Variants in KCMF1 observed in about 807,000 individuals in gnomAD.
KCMF1 encodes E3 ubiquitin-protein ligase KCMF1.
Under a neutral mutation model 41.1 loss-of-function variants are expected in KCMF1, and 3 were observed. The observed-to-expected ratio is 0.07, with a 90% CI of 0.03 to 0.19. The LOEUF (loss-of-function observed/expected upper bound fraction) is 0.19. Ranked by LOEUF, KCMF1 falls within the 10% of genes least tolerant of loss-of-function variation. KCMF1 has a pLI of 1.00. For synonymous variants in KCMF1, 142 were observed against 164.5 expected (o/e 0.86, Z 1.04); for missense variants, 286 against 488.9 (o/e 0.58, Z 3.91).
At chr2:85,023,018 G>A (rs1238583774) in intron 1 of KCMF1, among the ~76,000 whole-genome samples, 1 of 150,338 alleles carries the variant, frequency 6.7e-6, no homozygotes, top group African/African-American at 2.4e-5. Flanking sequence ...CTCCCCAGAA[G>A]CTGGAACTAC....
intron 4 of KCMF1, among the ~76,000 whole-genome samples, chr2:85,044,150 T>C (rs184580455): frequency 1.3e-5 from 2 of 152,286 alleles, no homozygotes; most frequent in East Asian, 3.9e-4. Flanking sequence ...TAAAATTTAA[T>C]TAGTTAAATA....
At position 85,003,301 on chromosome 2, in the gene KCMF1, G is replaced by A. The variant is rs1036824385; in HGVS notation, c.17-24588G>A. Among the ~76,000 whole-genome samples, 11 of 151,850 alleles carry A rather than the reference G, an allele frequency of 7.2e-5. No homozygotes were observed. The East Asian group carries it at 7.7e-4, about 11-fold the overall frequency. Reference sequence around the variant, plus strand: ...ATTCTGGCTAACACGGTGAAACCCCGTCTCTACTAAAAAAAAGAAAAAAAA... The same window carrying A: ...ATTCTGGCTAACACGGTGAAACCCCATCTCTACTAAAAAAAAGAAAAAAAA... On this transcript the variant is annotated intron_variant, in intron 1 of 6. Transcript: ENST00000409785.
rs373124785 is a variant in KCMF1 at position 84,988,894 on chromosome 2, G to T, written c.16+17427G>T. Among the ~76,000 whole-genome samples, 8 of 152,304 alleles carry T rather than the reference G, an allele frequency of 5.3e-5. No homozygotes were observed. In the East Asian group the frequency reaches 1.2e-3, roughly 22 times the overall value. Reference sequence around the variant, plus strand: ...ACTCTGCTGTTGTAGTATGAAAGCAGCCATGAGACTTTGTATAAACAGATG... The same window carrying T: ...ACTCTGCTGTTGTAGTATGAAAGCATCCATGAGACTTTGTATAAACAGATG... On this transcript the variant is annotated intron_variant, in intron 1 of 6. Transcript: ENST00000409785.
Position 85,053,510 on chromosome 2 carries a change from G to A in KCMF1, c.*101G>A, listed in dbSNP as rs536021504. 2 of 1,167,564 alleles carry A rather than the reference G, an allele frequency of 1.7e-6. No homozygotes were observed. The highest frequency in any genetic ancestry group is 5.3e-5 in the Admixed American group (2 of 37,796). 72.3% of individuals were successfully genotyped at this position (1,167,564 alleles called of 1,614,324 possible). On this transcript the variant is annotated 3_prime_UTR_variant, in exon 7 of 7. Transcript: ENST00000409785. Reference sequence around the variant, plus strand: ...GTTTGGTGATTGTAATTTCAGGTCTGTCACTCTTGTTACATTGTGTACATT... The same window carrying A: ...GTTTGGTGATTGTAATTTCAGGTCTATCACTCTTGTTACATTGTGTACATT...
At chr2:85,005,679 A>G (rs960844561) in intron 1 of KCMF1, among the ~76,000 whole-genome samples, 3 of 151,772 alleles carry the variant, frequency 2.0e-5, no homozygotes, top group African/African-American at 7.3e-5. Context: ...TTTTATTTTT[A>G]TTTTTTAATA....
chr2:84,984,550 G>C (rs1392268144), intron 1 of KCMF1, among the ~76,000 whole-genome samples: 2 of 151,830 alleles, frequency 1.3e-5, no homozygotes, highest in African/African-American at 4.8e-5. Context: ...GCTGGGTACG[G>C]TGGCTCACAC....
chr2:85,029,172 A>G (rs534469380), intron 2 of KCMF1, among the ~76,000 whole-genome samples: 3 of 148,414 alleles, frequency 2.0e-5, no homozygotes, highest in South Asian at 2.1e-4. Flanking sequence ...AAGTTTCACT[A>G]TGTTGGCCAG....
chr2:84,984,841 G>C (rs1156722211), intron 1 of KCMF1, among the ~76,000 whole-genome samples: 2 of 151,950 alleles, frequency 1.3e-5, no homozygotes, highest in African/African-American at 4.8e-5. Flanking sequence ...AAGAAAGAAA[G>C]AAAGAAACTT....
At chr2:85,028,191 CTT>C (rs1558580872) in intron 2 of KCMF1, 135 bp downstream of exon 2, 5 of 612,852 alleles carry the variant, frequency 8.2e-6, no homozygotes, top group East Asian at 6.0e-5. Context: ...ATAAATCTTA[CTT>C]TTTTTTGAGA....
At chr2:85,008,958 G>C (rs1674588094) in intron 1 of KCMF1, among the ~76,000 whole-genome samples, 1 of 151,812 alleles carries the variant, frequency 6.6e-6, no homozygotes, top group Non-Finnish European at 1.5e-5. Context: ...TCAAACTCTT[G>C]GGCTCTAGCA....
At chr2:85,052,597 G>A (rs2104070156) in intron 6 of KCMF1, among the ~76,000 whole-genome samples, 1 of 152,318 alleles carries the variant, frequency 6.6e-6, no homozygotes, top group African/African-American at 2.4e-5. Context: ...CTGCTACACT[G>A]TAGGTCCTTG....
At chr2:85,030,706 GT>G (rs1675246858) in intron 2 of KCMF1, among the ~76,000 whole-genome samples, 1 of 152,046 alleles carries the variant, frequency 6.6e-6, no homozygotes, top group Non-Finnish European at 1.5e-5. Flanking sequence ...TGGTGTTTTT[GT>G]TTGTTTTTTG....
chr2:85,058,389 A>C lies in KCMF1; in HGVS notation c.*4980A>C, dbSNP rs1022073620. ...ACAGTGAGACTCTCCTCAAAACAAA[A>C]AAAAAAGAAAGAAAACCCATGTGGG... On this transcript the variant is annotated 3_prime_UTR_variant, in exon 7 of 7. Coordinates refer to ENST00000409785, the MANE Select transcript of KCMF1 (RefSeq NM_020122.5). 1 of 152,306 alleles carries C rather than the reference A, an allele frequency of 6.6e-6. No homozygotes were observed. The highest frequency in any genetic ancestry group is 1.5e-5 in the Non-Finnish European group (1 of 68,124). The allele number at this position is 152,306 out of a possible 1,614,324, so 9.4% of individuals were successfully genotyped here. A position where few individuals can be genotyped will look rare whatever the true frequency, so the allele number is the denominator to read the frequency against.
Position 85,010,807 on chromosome 2 carries a change from C to T in KCMF1, c.17-17082C>T, listed in dbSNP as rs531672148. The stretch of plus-strand genomic sequence containing the variant: ...TTATTCCTTTATATCAGTATGGAGT[C>T]GTGGATTCCTGTGTTATTCAGTGAG... On this transcript the variant is annotated intron_variant, in intron 1 of 6. Transcript: ENST00000409785. Among the ~76,000 whole-genome samples the T allele has an allele frequency of 6.0e-5, 9 of 150,468 alleles. No homozygotes were observed. The South Asian group carries it at 1.7e-3, about 28-fold the overall frequency.
chr2:84,976,628 T>TAA lies in KCMF1; in HGVS notation c.16+5173_16+5174dup, dbSNP rs546103210. Among the ~76,000 whole-genome samples, 18 of 136,502 alleles carry TAA rather than the reference T, an allele frequency of 1.3e-4. No individual in the cohort carries two copies. The South Asian group carries it at 1.4e-3, about 10-fold the overall frequency. 89.6% of individuals were successfully genotyped at this position (136,502 alleles called of 152,430 possible). A position where few individuals can be genotyped will look rare whatever the true frequency, so the allele number is the denominator to read the frequency against. ...GGGAGGCTGAGAGACCCTATTTCTTTAAAAAAAAAAAAACAAAAAAAAACA... is the reference window on the plus strand; with the variant it reads ...GGGAGGCTGAGAGACCCTATTTCTTTAAAAAAAAAAAAAAACAAAAAAAAACA... On this transcript the variant is annotated intron_variant, in intron 1 of 6. Coordinates refer to ENST00000409785, the MANE Select transcript of KCMF1 (RefSeq NM_020122.5).
At chr2:85,000,449 A>G (rs1056866194) in intron 1 of KCMF1, among the ~76,000 whole-genome samples, 2 of 152,152 alleles carry the variant, frequency 1.3e-5, no homozygotes, top group Non-Finnish European at 2.9e-5. Flanking sequence ...AATCTCAATA[A>G]AATCTAGCAA....
rs541019352 is a variant in KCMF1 at position 85,039,818 on chromosome 2, C to T, written c.325-3746C>T. 9.4e-3 allele frequency among the ~76,000 whole-genome samples: 1,411 copies of T among 150,878 alleles called. 15 individuals carry two copies. The highest frequency in any genetic ancestry group is 0.032 in the African/African-American group (1,322 of 41,178). On this transcript the variant is annotated intron_variant, in intron 3 of 6. Coordinates refer to ENST00000409785, the MANE Select transcript of KCMF1 (RefSeq NM_020122.5). ...CATTTGTGAATACAAATGTTTTTTC[C>T]TTTTTTTTTGGAGACAGAGATTTTG...
rs190412662 is a variant in KCMF1, at chr2:84,999,114, G to A, written c.16+27647G>A. 8.9e-4 allele frequency among the ~76,000 whole-genome samples: 134 copies of A among 150,022 alleles called. 3 individuals are homozygous for A. The East Asian group carries it at 0.02, about 23-fold the overall frequency. ...AGGCTGGAGTAATCCCAAAGTGCTG[G>A]GATTACAGGCATGAGCCACTGCGCC... On this transcript the variant is annotated intron_variant, in intron 1 of 6. Coordinates refer to ENST00000409785, the MANE Select transcript of KCMF1 (RefSeq NM_020122.5).
At position 85,054,227 on chromosome 2, in the gene KCMF1, AAT is replaced by A. The variant is rs1374435936; in HGVS notation, c.*821_*822del. 2 of 152,198 alleles carry A rather than the reference AAT, an allele frequency of 1.3e-5. No individual in the cohort carries two copies. The highest frequency in any genetic ancestry group is 4.8e-5 in the African/African-American group (2 of 41,438). 9.4% of individuals were successfully genotyped at this position (152,198 alleles called of 1,614,324 possible). On this transcript the variant is annotated 3_prime_UTR_variant, in exon 7 of 7. Coordinates refer to ENST00000409785, the MANE Select transcript of KCMF1 (RefSeq NM_020122.5). The stretch of plus-strand genomic sequence containing the variant: ...TTGTTTAAAATTTTTTCAATTGTTA[AAT>A]ATGTTTTATTCAGGTGTAGATGAAT...
Sources: gnomAD v4.1 joint callset for allele counts (sites outside exome capture counted in the v4.1 genomes callset) on GRCh38, gnomAD v4.1.1 for gene constraint, MANE v1.5 for transcripts, NCBI Gene and HGNC (gene_info 2026-07-23, HGNC 2026-07-21) for gene names.